The following TDRD9 variants were observed in gnomAD, a reference collection of about 807,000 sequenced individuals.
TDRD9 encodes the protein tudor domain containing 9, also known as ATP-dependent RNA helicase TDRD9.
Under a neutral mutation model 172.6 loss-of-function variants are expected in TDRD9, and 124 were observed. The observed-to-expected ratio is 0.72, with a 90% CI of 0.62 to 0.83. The LOEUF (loss-of-function observed/expected upper bound fraction) is 0.83, where lower values mean the gene tolerates loss of function less well. Ranked by LOEUF, TDRD9 falls within the 40% of genes least tolerant of loss-of-function variation. The probability of loss-of-function intolerance (pLI) is 0.00; values close to 1 mark genes in which losing one functional copy is unlikely to be tolerated. For synonymous variants in TDRD9, 619 were observed against 617.1 expected, an observed-to-expected ratio of 1.00 and a Z score of -0.05; for missense variants, 1,479 against 1,714.1, an observed-to-expected ratio of 0.86 and a Z score of 2.42.
At chr14:104,012,446 T>TC (rs1376852015) in intron 20 of TDRD9, among the ~76,000 whole-genome samples, 2 of 152,166 alleles carry the variant, frequency 1.3e-5, no homozygotes, top group Non-Finnish European at 2.9e-5. Context: ...ACTCTTAGTT[T>TC]CATTTGTCAG....
At chr14:103,989,694 G>A (rs2033799017) in intron 8 of TDRD9, among the ~76,000 whole-genome samples, 1 of 152,230 alleles carries the variant, frequency 6.6e-6, no homozygotes, top group African/African-American at 2.4e-5. Context: ...ACTGGCCCTT[G>A]CTGTTGTGTG....
At chr14:104,029,823 C>A (rs1021614616) in intron 28 of TDRD9, among the ~76,000 whole-genome samples, 1 of 152,126 alleles carries the variant, frequency 6.6e-6, no homozygotes, top group African/African-American at 2.4e-5. Flanking sequence ...TCATGTATGG[C>A]CTTTCTTGCG....
At chr14:103,995,632 C>G (rs1296219946) in intron 11 of TDRD9, 118 bp from the exon 12 acceptor site, 10 of 887,222 alleles carry the variant, frequency 1.1e-5, no homozygotes, top group Non-Finnish European at 1.5e-5. Flanking sequence ...AATTTTGAAA[C>G]CTGAGTTCAG....
chr14:104,034,892 C>A, intron 31 of TDRD9, 68 bp from the exon 32 acceptor site: 1 of 1,259,964 alleles, frequency 7.9e-7, no homozygotes, highest in Non-Finnish European at 1.1e-6. Flanking sequence ...TAGGAGCGGG[C>A]CGGGAGGGAA....
At chr14:104,037,653 C>T (rs1321112306) in intron 32 of TDRD9, among the ~76,000 whole-genome samples, 1 of 152,156 alleles carries the variant, frequency 6.6e-6, no homozygotes, top group Non-Finnish European at 1.5e-5. Context: ...AGGCCACTGT[C>T]CCCTTCTTTG....
At chr14:104,045,764 C>T (rs761465280) in intron 34 of TDRD9, among the ~76,000 whole-genome samples, 8 of 152,142 alleles carry the variant, frequency 5.3e-5, no homozygotes, top group Non-Finnish European at 1.0e-4. Flanking sequence ...GGGTCTGCCC[C>T]GGTGCCTCTT....
At chr14:104,042,730 C>G (rs971767053) in intron 34 of TDRD9, among the ~76,000 whole-genome samples, 2 of 152,104 alleles carry the variant, frequency 1.3e-5, no homozygotes, top group Non-Finnish European at 2.9e-5. Flanking sequence ...GGAGGAGAAA[C>G]CAGCATTCCA....
Position 103,965,548 on chromosome 14 carries a change from C to G in TDRD9, c.636C>G (p.Gly212=). 1.3e-6 allele frequency: 2 copies of G among 1,500,682 alleles called. No individual in the cohort carries two copies. Among genetic ancestry groups the G allele is most frequent in the Non-Finnish European group, 1.8e-6 (2 of 1,110,150 alleles). The allele number at this position is 1,500,682 out of a possible 1,614,324, so 93.0% of individuals were successfully genotyped here. ...ERAWTLGGVV[G]YQVGLEKIAT... is the part of the protein sequence containing the mutation. ...CCTGGACCCTGGGAGGTGTGGTGGGCTACCAGGTGAGACTGGGAGGGAGGG... is the reference window on the plus strand; with the variant it reads ...CCTGGACCCTGGGAGGTGTGGTGGGGTACCAGGTGAGACTGGGAGGGAGGG... Residue 212 remains glycine, a synonymous_variant, in exon 4 of 36, where the codon GGC becomes GGG. Transcript: ENST00000409874.
chr14:103,936,660 A>T (rs2030784237), intron 1 of TDRD9, among the ~76,000 whole-genome samples: 1 of 152,200 alleles, frequency 6.6e-6, no homozygotes, highest in Non-Finnish European at 1.5e-5. Flanking sequence ...ACCACTCTAG[A>T]CCAAACCACT....
chr14:103,994,667 A>G, intron 11 of TDRD9, 64 bp downstream of exon 11: 1 of 1,366,172 alleles, frequency 7.3e-7, no homozygotes, highest in Non-Finnish European at 1.0e-6. Flanking sequence ...GACTCTACTC[A>G]TGAAAAATAT....
chr14:103,992,911 C>T lies in TDRD9; in HGVS notation c.1181-1421C>T, dbSNP rs1259780274. 4.4e-5 allele frequency among the ~76,000 whole-genome samples: 5 copies of T among 114,834 alleles called. No homozygotes were observed. The South Asian group carries it at 8.3e-4, about 19-fold the overall frequency. The allele number at this position is 114,834 out of a possible 152,430, so 75.3% of individuals were successfully genotyped here. On this transcript the variant is annotated intron_variant, in intron 9 of 35. Transcript: ENST00000409874. ...CTGCACTCCAGCCTGGGAGAAAGAG[C>T]GAGACTCCATCTCAAAAAAAAAAAA...
chr14:104,045,856 C>T (rs759679861), intron 34 of TDRD9, among the ~76,000 whole-genome samples: 1 of 152,224 alleles, frequency 6.6e-6, no homozygotes, highest in South Asian at 2.1e-4. Context: ...GCCATGCTCC[C>T]GCACTTCCCA....
At chr14:103,964,039 C>T (rs2032627386) in intron 3 of TDRD9, among the ~76,000 whole-genome samples, 1 of 152,080 alleles carries the variant, frequency 6.6e-6, no homozygotes, top group Non-Finnish European at 1.5e-5. Context: ...GCCAGGAGTT[C>T]CAGACCAGCC....
chr14:103,928,675 G>C lies in TDRD9; in HGVS notation c.166G>C (p.Ala56Pro). 8 of 1,227,726 alleles carry C rather than the reference G, an allele frequency of 6.5e-6. No individual in the cohort carries two copies. The highest frequency in any genetic ancestry group is 8.2e-6 in the Non-Finnish European group (8 of 974,874). 76.1% of individuals were successfully genotyped at this position (1,227,726 alleles called of 1,614,324 possible). The change falls in exon 1 of 36, where the codon GCT becomes CCT. Residue 56 changes from alanine to proline, a missense_variant. By Grantham distance (27) the Ala-to-Pro change is conservative (BLOSUM62 -1). Transcript: ENST00000409874. ...VAPGAGPAAQ[A>P]PALAQAPARP... Reference sequence around the variant, plus strand: ...CCCCGGCGCTGGTCCCGCGGCCCAGGCTCCGGCTCTGGCCCAAGCTCCGGC... The same window carrying C: ...CCCCGGCGCTGGTCCCGCGGCCCAGCCTCCGGCTCTGGCCCAAGCTCCGGC...
At chr14:103,947,484 C>T (rs1445156906) in intron 1 of TDRD9, among the ~76,000 whole-genome samples, 5 of 152,134 alleles carry the variant, frequency 3.3e-5, no homozygotes, top group South Asian at 4.2e-4. Flanking sequence ...CCCGCCACCA[C>T]GCCCGGCTAA....
At chr14:104,047,464 A>C (rs2035813155) in intron 34 of TDRD9, among the ~76,000 whole-genome samples, 2 of 152,066 alleles carry the variant, frequency 1.3e-5, no homozygotes, top group Admixed American at 6.5e-5. Context: ...ATTTTGTCTG[A>C]TATTAATATA....
intron 20 of TDRD9, among the ~76,000 whole-genome samples, chr14:104,011,745 A>G (rs1287254003): frequency 3.9e-5 from 6 of 152,090 alleles, no homozygotes; most frequent in South Asian, 2.1e-4. Context: ...ATTGTTGTGT[A>G]TTTGTGTACT....
rs750154400 is a variant in TDRD9, at chr14:104,025,551, TCTTC to T, written c.2719-9_2719-6del. The T allele has an allele frequency of 1.2e-6, 2 of 1,610,852 alleles. No homozygotes were observed. The highest frequency in any genetic ancestry group is 1.1e-5 in the South Asian group (1 of 90,932). On this transcript the variant is annotated splice_polypyrimidine_tract_variant and intron_variant, in intron 25 of 35. Transcript: ENST00000409874. ...TTCTAGATTTCATCTCTTCTCCTCCTCTTCCTTTTTAGGTGGTTGAAGTGGGACA... is the reference window on the plus strand; with the variant it reads ...TTCTAGATTTCATCTCTTCTCCTCCTCTTTTTAGGTGGTTGAAGTGGGACA...
intron 5 of TDRD9, among the ~76,000 whole-genome samples, chr14:103,968,112 C>A (rs148297943): frequency 1.1e-4 from 17 of 148,282 alleles, no homozygotes; most frequent in African/African-American, 3.9e-4. Flanking sequence ...TTGAGTGACA[C>A]AGATAAATCC....
Sources: gnomAD v4.1 joint callset for allele counts (sites outside exome capture counted in the v4.1 genomes callset) on GRCh38, gnomAD v4.1.1 for gene constraint, MANE v1.5 for transcripts, NCBI Gene and HGNC (gene_info 2026-07-23, HGNC 2026-07-21) for gene names.